TRPA1: variants seen among roughly 807,000 people sequenced by gnomAD.
TRPA1 encodes transient receptor potential cation channel subfamily A member 1.
A neutral mutation model predicts 131.3 loss-of-function variants in TRPA1; 129 were observed. The ratio of observed to expected loss-of-function variants is 0.98; its 90% confidence interval spans 0.85 to 1.14. The LOEUF (loss-of-function observed/expected upper bound fraction) is 1.14. TRPA1 is among the 50% of genes most tolerant of loss of function. The probability of loss-of-function intolerance (pLI) is 0.00; values close to 1 mark genes in which losing one functional copy is unlikely to be tolerated. For missense variants in TRPA1, 1,304 were observed against 1,354.2 expected (o/e 0.96, Z 0.58); for synonymous variants, 441 against 451.7 (o/e 0.98, Z 0.30).
At chr8:72,028,799 A>T (rs912667495) in intron 24 of TRPA1, among the ~76,000 whole-genome samples, 1 of 152,242 alleles carries the variant, frequency 6.6e-6, no homozygotes, top group African/African-American at 2.4e-5. Flanking sequence ...GTATTGAAAC[A>T]TTGTTTTCAA....
intron 7 of TRPA1, among the ~76,000 whole-genome samples, chr8:72,060,860 CTT>C (rs34558929): frequency 5.2e-4 from 74 of 141,822 alleles, no homozygotes; most frequent in Middle Eastern, 3.6e-3. Context: ...GCTATAGTTT[CTT>C]TTTTTTTTTT....
chr8:72,021,921 A>G lies in TRPA1; in HGVS notation c.*985T>C, dbSNP rs552065019. Reference sequence around the variant, plus strand: ...ATAACATCTGTGTAAATAATAACAGACTCAAAACAACACTGTACAACATAA... The same window carrying G: ...ATAACATCTGTGTAAATAATAACAGGCTCAAAACAACACTGTACAACATAA... On this transcript the variant is annotated 3_prime_UTR_variant, in exon 27 of 27. Transcript: ENST00000262209. The G allele has an allele frequency of 2.6e-5, 4 of 152,190 alleles. No individual in the cohort carries two copies. Among genetic ancestry groups the G allele is most frequent in the Non-Finnish European group, 5.9e-5 (4 of 68,028 alleles). The allele number at this position is 152,190 out of a possible 1,614,324, so 9.4% of individuals were successfully genotyped here. A position where few individuals can be genotyped will look rare whatever the true frequency, so the allele number is the denominator to read the frequency against.
At chr8:72,043,184 C>T (rs1812313433) in intron 17 of TRPA1, among the ~76,000 whole-genome samples, 1 of 151,948 alleles carries the variant, frequency 6.6e-6, no homozygotes, top group Non-Finnish European at 1.5e-5. Flanking sequence ...CCTCCATTTC[C>T]TCAATAGTAT....
chr8:72,033,701 G>C lies in TRPA1; in HGVS notation c.2811C>G (p.Ser937=). The change falls in exon 23 of 27, where the codon TCC becomes TCG. Residue 937 remains serine (S), a synonymous_variant. Coordinates refer to ENST00000262209, the MANE Select transcript of TRPA1 (RefSeq NM_007332.3). The part of the protein sequence containing the change: ...LRNELAHPVL[S]FAQLVSFTIF... ...TTGTGAAGGAAACAAGTTGTGCAAAGGACAGAACTGGATGTGCCAATTCAT... is the reference window on the plus strand; with the variant it reads ...TTGTGAAGGAAACAAGTTGTGCAAACGACAGAACTGGATGTGCCAATTCAT... 1 of 1,614,084 alleles carries C rather than the reference G, an allele frequency of 6.2e-7. No individual in the cohort carries two copies. The highest frequency in any genetic ancestry group is 8.5e-7 in the Non-Finnish European group (1 of 1,179,994).
At chr8:72,030,921 T>A (rs527271587) in intron 23 of TRPA1, among the ~76,000 whole-genome samples, 1 of 152,330 alleles carries the variant, frequency 6.6e-6, no homozygotes, top group Non-Finnish European at 1.5e-5. Flanking sequence ...CACTCATCCA[T>A]TTATTTTCTG....
intron 24 of TRPA1, among the ~76,000 whole-genome samples, chr8:72,027,649 C>T (rs780651212): frequency 2.0e-5 from 3 of 152,148 alleles, no homozygotes; most frequent in Non-Finnish European, 2.9e-5. Context: ...CACTTCCCTT[C>T]GAGATGATTC....
chr8:72,077,137 T>C (rs929918550), upstream of TRPA1, among the ~76,000 whole-genome samples: 2 of 152,212 alleles, frequency 1.3e-5, no homozygotes, highest in Non-Finnish European at 2.9e-5. Context: ...CGATTGCTTT[T>C]CTCACAACAC....
intron 3 of TRPA1, among the ~76,000 whole-genome samples, chr8:72,068,753 A>C (rs186066773): frequency 3.8e-4 from 58 of 152,360 alleles, no homozygotes; most frequent in African/African-American, 1.4e-3. Context: ...GAATTACTTC[A>C]TAGTGGGTTT....
At chr8:72,041,564 T>C (rs1812251129) in intron 17 of TRPA1, among the ~76,000 whole-genome samples, 1 of 151,888 alleles carries the variant, frequency 6.6e-6, no homozygotes, top group East Asian at 1.9e-4. Flanking sequence ...AAGGAAAATA[T>C]GAAAATCGAA....
chr8:72,074,048 A>C (rs775947272), intron 1 of TRPA1, among the ~76,000 whole-genome samples: 1 of 152,180 alleles, frequency 6.6e-6, no homozygotes, highest in African/African-American at 2.4e-5. Context: ...CAATTTGTCA[A>C]TTTCTACCAA....
intron 18 of TRPA1, 104 bp from the exon 19 acceptor site, chr8:72,039,131 G>C: frequency 8.7e-7 from 1 of 1,146,466 alleles, no homozygotes; most frequent in Non-Finnish European, 1.3e-6. Context: ...AAACCTTGTT[G>C]GTAAATTCAC....
At chr8:72,079,784 A>T (rs913033009), upstream of TRPA1, among the ~76,000 whole-genome samples, 11 of 151,914 alleles carry the variant, frequency 7.2e-5, no homozygotes, top group Admixed American at 2.0e-4. Context: ...GAGTCTTCTG[A>T]TCCATAAACA....
intron 14 of TRPA1, among the ~76,000 whole-genome samples, chr8:72,052,289 G>A (rs1294396895): frequency 6.6e-6 from 1 of 152,140 alleles, no homozygotes. Flanking sequence ...GGGCATGCTG[G>A]CTCATGCCTA....
chr8:72,089,400 CA>C, the TRPA1 span, among the ~76,000 whole-genome samples: 28 of 151,382 alleles, frequency 1.8e-4, no homozygotes, highest in Admixed American at 9.8e-4. Flanking sequence ...AGTAAGACCA[CA>C]AAAAAAAGTT....
At chr8:72,064,024 CCTAA>C (rs1383024441) in intron 4 of TRPA1, among the ~76,000 whole-genome samples, 1 of 152,008 alleles carries the variant, frequency 6.6e-6, no homozygotes, top group Non-Finnish European at 1.5e-5. Flanking sequence ...AATGAAGTTT[CCTAA>C]CTAAAAAGAT....
upstream of TRPA1, among the ~76,000 whole-genome samples, chr8:72,075,920 G>T (rs1563409086): frequency 6.6e-6 from 1 of 151,524 alleles, no homozygotes; most frequent in Non-Finnish European, 1.5e-5. Context: ...GGTGGAGGGT[G>T]GGGGGTGTAA....
intron 24 of TRPA1, among the ~76,000 whole-genome samples, chr8:72,028,626 A>G (rs4738202): frequency 0.69 from 104,208 of 152,062 alleles, 36,418 homozygotes; most frequent in East Asian, 0.98. Flanking sequence ...ATGTCATAGA[A>G]CATAGAATTT....
chr8:72,074,260 T>C (rs1311663098), intron 1 of TRPA1, among the ~76,000 whole-genome samples: 1 of 152,180 alleles, frequency 6.6e-6, no homozygotes, highest in Non-Finnish European at 1.5e-5. Flanking sequence ...AATCATGATC[T>C]AGTCATACAG....
intron 23 of TRPA1, among the ~76,000 whole-genome samples, chr8:72,032,741 C>G (rs1035923360): frequency 6.6e-6 from 1 of 152,176 alleles, no homozygotes; most frequent in Non-Finnish European, 1.5e-5. Context: ...GCCATCCTTT[C>G]TTTTTCTAGG....
Sources: gnomAD v4.1 joint callset for allele counts (sites outside exome capture counted in the v4.1 genomes callset) on GRCh38, gnomAD v4.1.1 for gene constraint, MANE v1.5 for transcripts, NCBI Gene and HGNC (gene_info 2026-07-23, HGNC 2026-07-21) for gene names.